IPO8: variants seen among roughly 807,000 people sequenced by gnomAD.
IPO8 encodes importin 8.
Under a neutral mutation model 141.2 loss-of-function variants are expected in IPO8, and 65 were observed. The observed-to-expected ratio is 0.46, with a 90% CI of 0.38 to 0.57. IPO8 has a LOEUF of 0.57. IPO8 is among the 20% of genes least tolerant of loss of function. The pLI, the probability that IPO8 is intolerant of heterozygous loss-of-function variation, is 0.00. For missense variants in IPO8, 980 were observed against 1,246.8 expected (o/e 0.79, Z 3.22); for synonymous variants, 411 against 420.3 (o/e 0.98, Z 0.27).
intron 10 of IPO8, among the ~76,000 whole-genome samples, chr12:30,667,898 C>T (rs943796391): frequency 6.6e-6 from 1 of 152,042 alleles, no homozygotes; most frequent in Non-Finnish European, 1.5e-5. Flanking sequence ...AAAAGAATGC[C>T]TTGCAAGGCA....
chr12:30,683,903 A>T lies in IPO8; in HGVS notation c.323+398T>A, dbSNP rs533466800. On this transcript the variant is annotated intron_variant, in intron 3 of 24. Coordinates refer to ENST00000256079, the MANE Select transcript of IPO8 (RefSeq NM_006390.4). The stretch of plus-strand genomic sequence containing the variant: ...AATGTGAATAAAAATACAGGGAAAG[A>T]TTAAGACAGGTAGTAGGTAAAAATT... Among the ~76,000 whole-genome samples, 29 of 152,340 alleles carry T rather than the reference A, an allele frequency of 1.9e-4. No homozygotes were observed. In the East Asian group the frequency reaches 5.0e-3, roughly 26 times the overall value.
chr12:30,656,609 G>A, intron 17 of IPO8, 75 bp downstream of exon 17: 1 of 770,172 alleles, frequency 1.3e-6, no homozygotes, highest in Non-Finnish European at 2.1e-6. Context: ...TAAATCTGAA[G>A]GGCTAAAATT....
intron 3 of IPO8, among the ~76,000 whole-genome samples, chr12:30,683,322 A>C (rs1383003756): frequency 6.6e-6 from 1 of 152,142 alleles, no homozygotes; most frequent in Non-Finnish European, 1.5e-5. Flanking sequence ...TTGCTCTAAG[A>C]GTTCAATGTT....
At chr12:30,673,506 A>G (rs1591839623) in intron 8 of IPO8, among the ~76,000 whole-genome samples, 1 of 152,362 alleles carries the variant, frequency 6.6e-6, no homozygotes, top group East Asian at 1.9e-4. Flanking sequence ...AATTTTCACT[A>G]TATAGAATGG....
In IPO8 at chr12:30,675,907, A is replaced by G. The variant is rs538581043; in HGVS notation, c.729+591T>C. Among the ~76,000 whole-genome samples the G allele has an allele frequency of 4.6e-5, 7 of 152,086 alleles. No homozygotes were observed. The East Asian group carries it at 7.7e-4, about 17-fold the overall frequency. ...TATAAAAGCATTCATAATCATAAAA[A>G]TATTTGTAAGTTTTAAGTGAAAACT... On this transcript the variant is annotated intron_variant, in intron 6 of 24. Coordinates refer to ENST00000256079, the MANE Select transcript of IPO8 (RefSeq NM_006390.4).
intron 7 of IPO8, among the ~76,000 whole-genome samples, chr12:30,674,439 C>T (rs979382739): frequency 6.6e-6 from 1 of 152,064 alleles, no homozygotes; most frequent in African/African-American, 2.4e-5. Flanking sequence ...TTAGATATTA[C>T]CAATGGGCTG....
chr12:30,680,460 G>A (rs1339693907), intron 5 of IPO8, 22 bp downstream of exon 5: 17 of 1,589,514 alleles, frequency 1.1e-5, no homozygotes, highest in Non-Finnish European at 1.5e-5. Flanking sequence ...CTCCATGTTT[G>A]TTTTCTGCAA....
intron 5 of IPO8, chr12:30,676,896 C>A: frequency 1.3e-6 from 2 of 1,507,794 alleles, no homozygotes; most frequent in East Asian, 2.5e-5. Context: ...TATGACTTAC[C>A]CCTTTGAGGG....
Position 30,649,208 on chromosome 12 carries a change from CT to C in IPO8, c.2196del (p.Asp733MetfsTer37), listed in dbSNP as rs1198943489. The C allele has an allele frequency of 6.2e-7, 1 of 1,613,120 alleles. No individual in the cohort carries two copies. On this transcript the variant is annotated frameshift_variant, in exon 20 of 25. Coordinates refer to ENST00000256079, the MANE Select transcript of IPO8 (RefSeq NM_006390.4). LOFTEE classifies it high-confidence loss of function. ...CRKVLCGDAG[E>X]DAECHAAKLL... ...AGTTTAGCTGCATGACACTCTGCAT[CT>C]TCTCCTGCATCTCCACATAGTACCT... is the stretch of plus-strand genomic sequence containing the variant.
intron 5 of IPO8, among the ~76,000 whole-genome samples, chr12:30,677,553 A>T (rs1357455637): frequency 1.3e-5 from 2 of 151,962 alleles, no homozygotes; most frequent in African/African-American, 4.8e-5. Flanking sequence ...TCCAGAAGGC[A>T]TTGTTATCAT....
chr12:30,630,712 G>T lies in IPO8; in HGVS notation c.*148C>A, dbSNP rs754176806. On this transcript the variant is annotated 3_prime_UTR_variant, in exon 25 of 25. Transcript: ENST00000256079. Reference sequence around the variant, plus strand: ...GGTGACAAAGGTCAAAGGGGAAAGAGTAGATAAAAGTGCTGCCTAATGCCA... The same window carrying T: ...GGTGACAAAGGTCAAAGGGGAAAGATTAGATAAAAGTGCTGCCTAATGCCA... 3 of 619,460 alleles carry T rather than the reference G, an allele frequency of 4.8e-6. No homozygotes were observed. Among genetic ancestry groups the T allele is most frequent in the Non-Finnish European group, 8.6e-6 (3 of 347,478 alleles). 38.4% of individuals were successfully genotyped at this position (619,460 alleles called of 1,614,324 possible).
At chr12:30,668,748 A>G (rs1237024847) in intron 10 of IPO8, among the ~76,000 whole-genome samples, 1 of 152,222 alleles carries the variant, frequency 6.6e-6, no homozygotes, top group Non-Finnish European at 1.5e-5. Flanking sequence ...TAGGGCCCCC[A>G]TACGAAATTT....
chr12:30,635,707 T>C (rs965282842), intron 22 of IPO8, among the ~76,000 whole-genome samples: 1 of 152,044 alleles, frequency 6.6e-6, no homozygotes, highest in Non-Finnish European at 1.5e-5. Flanking sequence ...ACACACCATA[T>C]TGAAGCAGGT....
chr12:30,674,594 A>C (rs1301032551), intron 7 of IPO8, 65 bp downstream of exon 7: 10 of 1,198,166 alleles, frequency 8.3e-6, no homozygotes, highest in Middle Eastern at 1.9e-4. Context: ...CTCTAAAGAC[A>C]GATAATCATA....
At chr12:30,640,411 T>TAA (rs3052418) in intron 20 of IPO8, among the ~76,000 whole-genome samples, 84,643 of 151,738 alleles carry the variant, frequency 0.56, 24,500 homozygotes, top group African/African-American at 0.71. Context: ...TGTAGAAAGT[T>TAA]GAGTTATATT....
chr12:30,661,614 C>A (rs866035218), intron 15 of IPO8, among the ~76,000 whole-genome samples: 210 of 129,214 alleles, frequency 1.6e-3, no homozygotes, highest in South Asian at 8.9e-3. Flanking sequence ...ATGAAACAAA[C>A]AAAAAAAAAA....
At chr12:30,662,586 T>A in intron 14 of IPO8, 99 bp from the exon 15 acceptor site, 1 of 853,168 alleles carries the variant, frequency 1.2e-6, no homozygotes, top group Non-Finnish European at 1.9e-6. Context: ...GGGTAATACC[T>A]AAATCAGGTT....
At chr12:30,679,167 G>A in intron 5 of IPO8, among the ~76,000 whole-genome samples, 1 of 152,096 alleles carries the variant, frequency 6.6e-6, no homozygotes, top group Non-Finnish European at 1.5e-5. Context: ...AAAATTGTCT[G>A]CTCCTTCTCA....
intron 21 of IPO8, 28 bp from the exon 22 acceptor site, chr12:30,637,215 T>G (rs1345181687): frequency 6.6e-7 from 1 of 1,514,956 alleles, no homozygotes; most frequent in Non-Finnish European, 9.2e-7. Context: ...AAAAAAAATG[T>G]AGACATGAGA....
Sources: allele counts gnomAD v4.1 joint callset (sites outside exome capture counted in the v4.1 genomes callset), GRCh38; gene constraint gnomAD v4.1.1; transcripts MANE v1.5; gene names NCBI Gene and HGNC (gene_info 2026-07-23, HGNC 2026-07-21).